TBK1: variants seen among roughly 807,000 people sequenced by gnomAD.
TBK1 encodes TANK binding kinase 1.
Under a neutral mutation model 99.9 loss-of-function variants are expected in TBK1, and 37 were observed. The observed-to-expected ratio is 0.37, with a 90% CI of 0.28 to 0.49. The LOEUF (loss-of-function observed/expected upper bound fraction) is 0.49. Ranked by LOEUF, TBK1 falls within the 20% of genes least tolerant of loss-of-function variation. The pLI, the probability that TBK1 is intolerant of heterozygous loss-of-function variation, is 0.98. For missense variants in TBK1, 644 were observed against 872.5 expected (o/e 0.74, Z 3.30); for synonymous variants, 258 against 279.8 (o/e 0.92, Z 0.78).
intron 13 of TBK1, among the ~76,000 whole-genome samples, chr12:64,494,605 A>C (rs530244846): frequency 1.8e-4 from 27 of 152,360 alleles, no homozygotes; most frequent in African/African-American, 6.5e-4. Flanking sequence ...GAAAATAGTC[A>C]ATCTGCAAAA....
In TBK1 at chr12:64,502,061, T is replaced by G. The variant is rs1868250548; in HGVS notation, c.*680T>G. On this transcript the variant is annotated 3_prime_UTR_variant, in exon 21 of 21. Transcript: ENST00000331710. ...AACTGTTTTAAGCTGTATATTTCTT[T>G]AATTCTGCTTACTATTTCATGGAAA... 6.6e-6 allele frequency: 1 copy of G among 152,612 alleles called. No homozygotes were observed. Among genetic ancestry groups the G allele is most frequent in the Non-Finnish European group, 1.5e-5 (1 of 68,034 alleles). The allele number at this position is 152,612 out of a possible 1,614,324, so 9.5% of individuals were successfully genotyped here. A position where few individuals can be genotyped will look rare whatever the true frequency, so the allele number is the denominator to read the frequency against.
intron 5 of TBK1, among the ~76,000 whole-genome samples, chr12:64,473,472 TCAGAA>T (rs1454181235): frequency 6.6e-6 from 1 of 152,068 alleles, no homozygotes; most frequent in Admixed American, 6.6e-5. Context: ...AAGTAATGAA[TCAGAA>T]CAGAGGGAAA....
At chr12:64,454,609 T>TA (rs1477720696) in intron 1 of TBK1, among the ~76,000 whole-genome samples, 1 of 151,706 alleles carries the variant, frequency 6.6e-6, no homozygotes, top group Non-Finnish European at 1.5e-5. Flanking sequence ...TGTCATTGGT[T>TA]AATGTTTTTT....
intron 20 of TBK1, among the ~76,000 whole-genome samples, chr12:64,498,270 A>C (rs2040950295): frequency 1.3e-5 from 2 of 152,230 alleles, no homozygotes; most frequent in Non-Finnish European, 2.9e-5. Context: ...GTTTGTAAAG[A>C]TCAAACTCTA....
At chr12:64,479,696 T>A (rs2040749380) in intron 6 of TBK1, among the ~76,000 whole-genome samples, 1 of 152,190 alleles carries the variant, frequency 6.6e-6, no homozygotes, top group South Asian at 2.1e-4. Flanking sequence ...ACACAACTTA[T>A]TTTGTGTTTG....
intron 16 of TBK1, 114 bp downstream of exon 16, chr12:64,496,520 T>C (rs1203614495): frequency 7.5e-6 from 4 of 536,786 alleles, no homozygotes; most frequent in African/African-American, 6.0e-5. Flanking sequence ...CATTTTAATC[T>C]TGATTTTACA....
intron 6 of TBK1, 82 bp downstream of exon 6, chr12:64,474,472 T>G: frequency 7.5e-7 from 1 of 1,338,006 alleles, no homozygotes; most frequent in Middle Eastern, 1.9e-4. Context: ...TAGTGGTTTA[T>G]GCTAATAAAA....
intron 3 of TBK1, among the ~76,000 whole-genome samples, chr12:64,463,912 G>T (rs2040576121): frequency 6.7e-6 from 1 of 148,662 alleles, no homozygotes. Context: ...TCACCAGGCT[G>T]GACTGCAGTA....
intron 2 of TBK1, among the ~76,000 whole-genome samples, chr12:64,456,448 G>T (rs1400704060): frequency 2.0e-5 from 3 of 152,090 alleles, no homozygotes; most frequent in Non-Finnish European, 4.4e-5. Context: ...TCTCAACAAG[G>T]AGCCCAGGTT....
At chr12:64,471,128 A>G (rs1388032635) in intron 5 of TBK1, among the ~76,000 whole-genome samples, 2 of 152,034 alleles carry the variant, frequency 1.3e-5, no homozygotes, top group Non-Finnish European at 2.9e-5. Flanking sequence ...TCTCTTTTGT[A>G]TGTTAAAGTC....
intron 20 of TBK1, among the ~76,000 whole-genome samples, chr12:64,500,120 A>G (rs2040973439): frequency 6.6e-6 from 1 of 152,196 alleles, no homozygotes; most frequent in South Asian, 2.1e-4. Flanking sequence ...TTGACAATAT[A>G]TAGGTGATAT....
Position 64,481,901 on chromosome 12 carries a change from A to G in TBK1, c.872A>G (p.Lys291Arg). ...LANILEADQE[K>R]CWGFDQFFAE... ...AACATCCTTGAAGCAGATCAGGAAA[A>G]GTGTTGGGGTTTTGACCAGTTTTTT... The change falls in exon 8 of 21, where the codon AAG becomes AGG. Residue 291 changes from lysine to arginine, a missense_variant. Transcript: ENST00000331710. 3 of 1,610,108 alleles carry G rather than the reference A, an allele frequency of 1.9e-6. No individual in the cohort carries two copies. Among genetic ancestry groups the G allele is most frequent in the Non-Finnish European group, 2.5e-6 (3 of 1,178,320 alleles).
At chr12:64,497,870 G>A in intron 19 of TBK1, 98 bp from the exon 20 acceptor site, 3 of 1,386,516 alleles carry the variant, frequency 2.2e-6, no homozygotes, top group Non-Finnish European at 3.0e-6. Context: ...TGTTTAATAA[G>A]GTTATCTATT....
chr12:64,462,167 G>GC (rs2040554775), intron 3 of TBK1, among the ~76,000 whole-genome samples: 1 of 152,160 alleles, frequency 6.6e-6, no homozygotes, highest in African/African-American at 2.4e-5. Flanking sequence ...AGTGGCCAAA[G>GC]CCCCCAGAGG....
At position 64,490,092 on chromosome 12, in the gene TBK1, T is replaced by A; in HGVS notation, c.1494T>A (p.Ile498=). Residue 498 remains isoleucine (I), a synonymous_variant, in exon 13 of 21, where the codon ATT becomes ATA. Transcript: ENST00000331710. ...INLEAAELGE[I]SDIHTKLLRL... ...TGGAAGCGGCAGAGTTAGGTGAAAT[T>A]TCAGACATACACACCAAATTGTTGA... 1 of 1,611,680 alleles carries A rather than the reference T, an allele frequency of 6.2e-7. No individual in the cohort carries two copies. The highest frequency in any genetic ancestry group is 1.7e-4 in the Middle Eastern group (1 of 5,740).
chr12:64,482,119 A>G lies in TBK1; in HGVS notation c.992+98A>G, dbSNP rs61933202. On this transcript the variant is annotated intron_variant, in intron 8 of 20. Transcript: ENST00000331710. ...TAGAAAAGATGCCTCAGCTTCACCA[A>G]AAGTACCCATTTCCCACATGGAAAA... The G allele has an allele frequency of 0.1, 78,827 of 773,232 alleles. 4,721 individuals are homozygous for G. The highest frequency in any genetic ancestry group is 0.22 in the Middle Eastern group (516 of 2,322). 47.9% of individuals were successfully genotyped at this position (773,232 alleles called of 1,614,324 possible).
chr12:64,491,151 G>T lies in TBK1; in HGVS notation c.1521+1032G>T, dbSNP rs1372275845. Among the ~76,000 whole-genome samples, 11 of 152,158 alleles carry T rather than the reference G, an allele frequency of 7.2e-5. No homozygotes were observed. In the East Asian group the frequency reaches 2.1e-3, roughly 29 times the overall value. On this transcript the variant is annotated intron_variant, in intron 13 of 20. Transcript: ENST00000331710. ...GCGCAGGTTTATATATTAGTAATCA[G>T]TGAGAGCTGATTACTACTCCCAGAC...
intron 3 of TBK1, among the ~76,000 whole-genome samples, chr12:64,461,331 G>C (rs2040546707): frequency 6.6e-6 from 1 of 151,994 alleles, no homozygotes; most frequent in Non-Finnish European, 1.5e-5. Context: ...GTGGAATTAA[G>C]AATGTCATTA....
At chr12:64,471,859 G>T (rs199609916) in intron 5 of TBK1, among the ~76,000 whole-genome samples, 1 of 150,598 alleles carries the variant, frequency 6.6e-6, no homozygotes, top group African/African-American at 2.5e-5. Flanking sequence ...CACTCCCAGG[G>T]AATAGCTTCC....
Sources: allele counts gnomAD v4.1 joint callset (sites outside exome capture counted in the v4.1 genomes callset), GRCh38; gene constraint gnomAD v4.1.1; transcripts MANE v1.5; gene names NCBI Gene and HGNC (gene_info 2026-07-23, HGNC 2026-07-21).